FAT3: variants seen among roughly 807,000 people sequenced by gnomAD.
FAT3 encodes protocadherin Fat 3.
Under a neutral mutation model 310.2 loss-of-function variants are expected in FAT3, and 95 were observed. The observed-to-expected ratio is 0.31, with a 90% CI of 0.26 to 0.36. The LOEUF (loss-of-function observed/expected upper bound fraction) is 0.36, where lower values mean the gene tolerates loss of function less well. Ranked by LOEUF, FAT3 falls within the 10% of genes least tolerant of loss-of-function variation. FAT3 has a pLI of 1.00. For missense variants in FAT3, 5,408 were observed against 5,715.6 expected (o/e 0.95, Z 1.74); for synonymous variants, 2,314 against 2,192.9 (o/e 1.06, Z -1.54).
chr11:92,393,342 A>G (rs1949791259), intron 2 of FAT3, among the ~76,000 whole-genome samples: 1 of 152,160 alleles, frequency 6.6e-6, no homozygotes, highest in Non-Finnish European at 1.5e-5. Flanking sequence ...CATTGCTGTC[A>G]TCACAGTGAA....
intron 2 of FAT3, among the ~76,000 whole-genome samples, chr11:92,421,957 A>G (rs1217224753): frequency 1.3e-5 from 2 of 152,192 alleles, no homozygotes; most frequent in Admixed American, 1.3e-4. Flanking sequence ...GAATCAGCCA[A>G]CAAGTGTGAT....
chr11:92,712,234 G>C (rs944328766), intron 4 of FAT3, among the ~76,000 whole-genome samples: 1 of 152,018 alleles, frequency 6.6e-6, no homozygotes, highest in Admixed American at 6.6e-5. Flanking sequence ...GGAGAAAGAA[G>C]AGCAGCCCCT....
intron 4 of FAT3, among the ~76,000 whole-genome samples, chr11:92,705,394 GTGA>G (rs1189978450): frequency 1.2e-4 from 15 of 122,724 alleles, no homozygotes; most frequent in South Asian, 3.1e-4. Context: ...GGTGGTGGTG[GTGA>G]TGGTGGTGGT....
chr11:92,521,421 TC>T (rs1487587836), intron 2 of FAT3, among the ~76,000 whole-genome samples: 1 of 152,140 alleles, frequency 6.6e-6, no homozygotes, highest in African/African-American at 2.4e-5. Flanking sequence ...TTCTTACCTT[TC>T]AAGATTATCC....
chr11:92,227,095 C>T (rs886742802), intron 1 of FAT3, among the ~76,000 whole-genome samples: 2 of 152,084 alleles, frequency 1.3e-5, no homozygotes, highest in Non-Finnish European at 2.9e-5. Flanking sequence ...CGCGCCCACC[C>T]GGGGCTTGAG....
chr11:92,438,886 G>C (rs1445583367), intron 2 of FAT3, among the ~76,000 whole-genome samples: 1 of 152,176 alleles, frequency 6.6e-6, no homozygotes, highest in African/African-American at 2.4e-5. Flanking sequence ...GGCTTCTACT[G>C]TGCACCAGTA....
intron 9 of FAT3, among the ~76,000 whole-genome samples, chr11:92,793,243 T>C (rs1447631412): frequency 6.6e-6 from 1 of 152,154 alleles, no homozygotes; most frequent in Non-Finnish European, 1.5e-5. Flanking sequence ...AGAAAATAAA[T>C]ACGTAATAAA....
chr11:92,678,346 T>C, intron 3 of FAT3, among the ~76,000 whole-genome samples: 1 of 152,140 alleles, frequency 6.6e-6, no homozygotes, highest in East Asian at 1.9e-4. Flanking sequence ...CTTTTGTTAT[T>C]TGGGTGTGGA....
chr11:92,801,429 G>C lies in FAT3; in HGVS notation c.8416G>C (p.Asp2806His), dbSNP rs745942963. Residue 2806 changes from aspartate to histidine, a missense_variant, in exon 10 of 28, where the codon GAT becomes CAT. Physicochemically the swap from Asp to His is moderately conservative, Grantham distance 81. Transcript: ENST00000525166. The stretch of plus-strand genomic sequence containing the variant: ...TGTGGATGTAGATATCAAGGTATTG[G>C]ATTTGAATGACAACAAGCCAGTCTT... Reference protein sequence around the residue: ...FTVDVDIKVLDLNDNKPVFET... With the variant: ...FTVDVDIKVLHLNDNKPVFET... 1.2e-6 allele frequency: 2 copies of C among 1,613,872 alleles called. No individual in the cohort carries two copies. The highest frequency in any genetic ancestry group is 1.7e-6 in the Non-Finnish European group (2 of 1,179,870).
intron 3 of FAT3, among the ~76,000 whole-genome samples, chr11:92,608,718 A>C (rs1307277068): frequency 6.9e-6 from 1 of 144,894 alleles, no homozygotes; most frequent in African/African-American, 2.7e-5. Flanking sequence ...TCCTGAATTC[A>C]GCAATAATAA....
chr11:92,844,724 C>T lies in FAT3; in HGVS notation c.11357C>T (p.Thr3786Ile). 6.5e-7 allele frequency: 1 copy of T among 1,529,704 alleles called. No homozygotes were observed. The highest frequency in any genetic ancestry group is 8.8e-7 in the Non-Finnish European group (1 of 1,130,698). The allele number at this position is 1,529,704 out of a possible 1,614,324, so 94.8% of individuals were successfully genotyped here. Reference sequence around the variant, plus strand: ...CGTTTCTACAGGAACGTGCGTTGCACCTGCAATGGTGAGTGCAGTTTTGAG... The same window carrying T: ...CGTTTCTACAGGAACGTGCGTTGCATCTGCAATGGTGAGTGCAGTTTTGAG... ...CPRFYRNVRC[T>I]CNGGLCPGSN... Residue 3786 changes from threonine to isoleucine, a missense_variant, in exon 19 of 28, where the codon ACC becomes ATC. Thr to Ile is a moderately conservative substitution (Grantham distance 89, BLOSUM62 -1). Transcript: ENST00000525166.
rs1949945029 is a variant in FAT3 at position 92,892,797 on chromosome 11, C to A, written c.*1684C>A. 1 of 152,052 alleles carries A rather than the reference C, an allele frequency of 6.6e-6. No homozygotes were observed. Among genetic ancestry groups the A allele is most frequent in the Admixed American group, 6.6e-5 (1 of 15,260 alleles). The allele number at this position is 152,052 out of a possible 1,614,324, so 9.4% of individuals were successfully genotyped here. ...AAAAGTGTGTAATGTTTGATTACACCCTGGGATTCCCTTCTCATCTGTGGG... is the reference window on the plus strand; with the variant it reads ...AAAAGTGTGTAATGTTTGATTACACACTGGGATTCCCTTCTCATCTGTGGG... On this transcript the variant is annotated 3_prime_UTR_variant, in exon 28 of 28. Transcript: ENST00000525166.
At chr11:92,609,980 G>A (rs988185009) in intron 3 of FAT3, among the ~76,000 whole-genome samples, 2 of 152,010 alleles carry the variant, frequency 1.3e-5, no homozygotes, top group Non-Finnish European at 2.9e-5. Context: ...TCCCATTCAG[G>A]CTTCTCATTT....
chr11:92,435,590 G>A (rs530760761), intron 2 of FAT3, among the ~76,000 whole-genome samples: 1 of 118,292 alleles, frequency 8.5e-6, no homozygotes, highest in Admixed American at 9.6e-5. Context: ...TTTTGAAACA[G>A]TGTCTTGTTC....
At chr11:92,236,467 G>A (rs979165596) in intron 1 of FAT3, among the ~76,000 whole-genome samples, 3 of 152,030 alleles carry the variant, frequency 2.0e-5, no homozygotes, top group Non-Finnish European at 2.9e-5. Context: ...GAGCAGGTGC[G>A]TGTCTTGGGA....
chr11:92,366,666 G>C, intron 2 of FAT3: 1 of 534,626 alleles, frequency 1.9e-6, no homozygotes. Flanking sequence ...CCTTCCACAT[G>C]CTTGACAATG....
At chr11:92,507,287 A>G (rs889979740) in intron 2 of FAT3, among the ~76,000 whole-genome samples, 4 of 152,184 alleles carry the variant, frequency 2.6e-5, no homozygotes, top group Admixed American at 1.3e-4. Flanking sequence ...AGAACTGGAG[A>G]AACTCAATTA....
At chr11:92,296,507 G>A (rs1946853474) in intron 1 of FAT3, among the ~76,000 whole-genome samples, 2 of 152,104 alleles carry the variant, frequency 1.3e-5, no homozygotes, top group African/African-American at 2.4e-5. Context: ...CCATAGGTAT[G>A]GGGCCACTGC....
At chr11:92,680,324 G>A (rs1301827768) in intron 3 of FAT3, among the ~76,000 whole-genome samples, 2 of 151,936 alleles carry the variant, frequency 1.3e-5, no homozygotes, top group Non-Finnish European at 2.9e-5. Flanking sequence ...TCTGCATATG[G>A]CAATCCAATT....
Sources: gnomAD v4.1 joint callset for allele counts (sites outside exome capture counted in the v4.1 genomes callset) on GRCh38, gnomAD v4.1.1 for gene constraint, MANE v1.5 for transcripts, NCBI Gene and HGNC (gene_info 2026-07-23, HGNC 2026-07-21) for gene names.